DYNC1H1: variants seen among roughly 807,000 people sequenced by gnomAD.
DYNC1H1 encodes cytoplasmic dynein 1 heavy chain 1.
Under a neutral mutation model 527.1 loss-of-function variants are expected in DYNC1H1, and 51 were observed. The ratio of observed to expected loss-of-function variants is 0.10; its 90% CI spans 0.08 to 0.12. DYNC1H1 has a LOEUF of 0.12. Ranked by LOEUF, DYNC1H1 falls within the 10% of genes least tolerant of loss-of-function variation. The pLI, the probability that DYNC1H1 is intolerant of heterozygous loss-of-function variation, is 1.00. For synonymous variants in DYNC1H1, 2,189 were observed against 2,278.8 expected (o/e 0.96, Z 1.12); for missense variants, 2,771 against 5,971.8 (o/e 0.46, Z 17.66).
At chr14:102,030,314 A>G in intron 51 of DYNC1H1, 32 bp downstream of exon 51, 1 of 1,614,026 alleles carries the variant, frequency 6.2e-7, no homozygotes, top group Non-Finnish European at 8.5e-7. Context: ...TTTGATGTCT[A>G]GGAAGGGTGG....
Position 101,979,214 on chromosome 14 carries a change from C to G in DYNC1H1, c.345-105C>G, listed in dbSNP as rs1351160548. On this transcript the variant is annotated intron_variant, in intron 2 of 77. Transcript: ENST00000360184. This position sits in a 1 kb window ranked among gnomAD's most constrained non-coding sequence, Gnocchi z 4.6. ...AAAGAAAGACAAGCAGTGCATTTCA[C>G]TATTAGAAAAGCAACACTTCAGTAT... 1 of 1,115,922 alleles carries G rather than the reference C, an allele frequency of 9.0e-7. No individual in the cohort carries two copies. Among genetic ancestry groups the G allele is most frequent in the Non-Finnish European group, 1.3e-6 (1 of 760,526 alleles). The allele number at this position is 1,115,922 out of a possible 1,614,324, so 69.1% of individuals were successfully genotyped here.
rs563378643 is a variant in DYNC1H1, at chr14:102,049,157, G to A, written c.13373-283G>A. 1.2e-5 allele frequency: 6 copies of A among 507,094 alleles called. No homozygotes were observed. The highest frequency in any genetic ancestry group is 1.4e-5 in the Non-Finnish European group (4 of 278,274). 31.4% of individuals were successfully genotyped at this position (507,094 alleles called of 1,614,324 possible). On this transcript the variant is annotated intron_variant, in intron 74 of 77. Coordinates refer to ENST00000360184, the MANE Select transcript of DYNC1H1 (RefSeq NM_001376.5). This position sits in a 1 kb window ranked among gnomAD's most constrained non-coding sequence, Gnocchi z 5.5. Reference sequence around the variant, plus strand: ...TTGTGTGACATGAGGTTTTAGCCGCGGTTTTGCTTGGATGTGATTATGGTC... The same window carrying A: ...TTGTGTGACATGAGGTTTTAGCCGCAGTTTTGCTTGGATGTGATTATGGTC...
Position 102,055,194 on chromosome 14 carries a change from G to C in DYNC1H1, c.*4631G>C, listed in dbSNP as rs1422088955. ...TCAGCTTTCTGACCTCAGAATCCCA[G>C]CTATCTTCTGGACTCAGGTGACAAG... On this transcript the variant is annotated 3_prime_UTR_variant, in exon 78 of 78. Coordinates refer to ENST00000360184, the MANE Select transcript of DYNC1H1 (RefSeq NM_001376.5). 2 of 152,114 alleles carry C rather than the reference G, an allele frequency of 1.3e-5. No individual in the cohort carries two copies. Among genetic ancestry groups the C allele is most frequent in the African/African-American group, 2.4e-5 (1 of 41,360 alleles). 9.4% of individuals were successfully genotyped at this position (152,114 alleles called of 1,614,324 possible).
intron 27 of DYNC1H1, 97 bp downstream of exon 27, chr14:102,006,267 G>C: frequency 1.9e-6 from 3 of 1,552,968 alleles, no homozygotes; most frequent in Non-Finnish European, 2.6e-6. Flanking sequence ...GAGATGGAGT[G>C]TCTGTCGCCC....
chr14:102,010,112 T>G lies in DYNC1H1; in HGVS notation c.6221+26T>G, dbSNP rs780733107. 2 of 1,613,250 alleles carry G rather than the reference T, an allele frequency of 1.2e-6. No individual in the cohort carries two copies. Among genetic ancestry groups the G allele is most frequent in the African/African-American group, 1.3e-5 (1 of 74,940 alleles). ...GTAAGTAGCCTAGAATTCTTCATAATCATGTTTCTTGCATATGTTAAATGT... is the reference window on the plus strand; with the variant it reads ...GTAAGTAGCCTAGAATTCTTCATAAGCATGTTTCTTGCATATGTTAAATGT... On this transcript the variant is annotated intron_variant, in intron 30 of 77. Coordinates refer to ENST00000360184, the MANE Select transcript of DYNC1H1 (RefSeq NM_001376.5). The surrounding 1 kb of genome is among the most constrained non-coding windows in gnomAD (Gnocchi z 6.0).
At chr14:101,998,022 A>G (rs1171407248) in intron 16 of DYNC1H1, among the ~76,000 whole-genome samples, 1 of 152,220 alleles carries the variant, frequency 6.6e-6, no homozygotes, top group African/African-American at 2.4e-5. Flanking sequence ...GGTGATGTAG[A>G]TAACAGTGTG....
rs769919705 is a variant in DYNC1H1, at chr14:102,011,889, T to C, written c.6633T>C (p.Tyr2211=). 2.7e-5 allele frequency: 43 copies of C among 1,614,148 alleles called. 2 individuals carry two copies. The South Asian group carries it at 4.7e-4, about 18-fold the overall frequency. Residue 2211 remains tyrosine, a synonymous_variant, in exon 33 of 78, where the codon TAT becomes TAC. Coordinates refer to ENST00000360184, the MANE Select transcript of DYNC1H1 (RefSeq NM_001376.5). The surrounding 1 kb of genome is among the most constrained non-coding windows in gnomAD (Gnocchi z 5.3). ...GGGCCCTGCAGGTTCTCCAGCTCTA[T>C]CAGATCACCCAGATCAATCATGGCC... is the stretch of plus-strand genomic sequence containing the variant. ...GMWVEKVLQL[Y]QITQINHGLM...
intron 56 of DYNC1H1, chr14:102,034,706 G>C: frequency 1.7e-6 from 1 of 594,684 alleles, no homozygotes; most frequent in South Asian, 1.9e-5. Context: ...AGTGGATCAC[G>C]TGAGGTCAGG....
At chr14:102,046,237 G>A (rs920655557) in intron 72 of DYNC1H1, among the ~76,000 whole-genome samples, 4 of 152,232 alleles carry the variant, frequency 2.6e-5, no homozygotes, top group Admixed American at 6.5e-5. Flanking sequence ...CAGGGGATGG[G>A]CCCAGCAACT....
Position 102,050,665 on chromosome 14 carries a change from T to TG in DYNC1H1, c.*104dup. ...TCTGAGCTTGTGAAAAGAAAGTGGTTGGTCTGAGGTTGGAGGAAGCTGAAT... is the reference window on the plus strand; with the variant it reads ...TCTGAGCTTGTGAAAAGAAAGTGGTTGGGTCTGAGGTTGGAGGAAGCTGAAT... On this transcript the variant is annotated 3_prime_UTR_variant, in exon 78 of 78. Transcript: ENST00000360184. The TG allele has an allele frequency of 6.3e-7, 1 of 1,582,988 alleles. No individual in the cohort carries two copies. The highest frequency in any genetic ancestry group is 2.3e-5 in the East Asian group (1 of 44,414).
At position 102,018,375 on chromosome 14, in the gene DYNC1H1, C is replaced by T; in HGVS notation, c.8178-76C>T. ...CCTCCAGACAGGGCCCTGGACAGGGCGACTCCACTGGCACACTGCCCCTTC... is the reference window on the plus strand; with the variant it reads ...CCTCCAGACAGGGCCCTGGACAGGGTGACTCCACTGGCACACTGCCCCTTC... On this transcript the variant is annotated intron_variant, in intron 40 of 77. Transcript: ENST00000360184. The surrounding 1 kb of genome is among the most constrained non-coding windows in gnomAD (Gnocchi z 5.2). The T allele has an allele frequency of 3.8e-6, 6 of 1,570,790 alleles. No homozygotes were observed. The Admixed American group carries it at 5.5e-5, about 14-fold the overall frequency.
In DYNC1H1 at chr14:102,022,775, T is replaced by C. The variant is rs1292963824; in HGVS notation, c.8532T>C (p.Arg2844=). 2 of 1,614,094 alleles carry C rather than the reference T, an allele frequency of 1.2e-6. No homozygotes were observed. The highest frequency in any genetic ancestry group is 1.7e-6 in the Non-Finnish European group (2 of 1,180,004). Reference sequence around the variant, plus strand: ...GACTCGTAGAGGATGAGGAGAGGCGTTGGACTGATGAGAACATCGACACGG... The same window carrying C: ...GACTCGTAGAGGATGAGGAGAGGCGCTGGACTGATGAGAACATCGACACGG... ...QDRLVEDEER[R]WTDENIDTVA... Residue 2844 remains arginine, a synonymous_variant, in exon 43 of 78, where the codon CGT becomes CGC. Coordinates refer to ENST00000360184, the MANE Select transcript of DYNC1H1 (RefSeq NM_001376.5).
Position 102,030,291 on chromosome 14 carries a change from A to C in DYNC1H1, c.9883+9A>C. ...CATTGAGGCCCAGAATGGTATGTAA[A>C]GACTGTCAGAGCTTTGATGTCTAGG... On this transcript the variant is annotated intron_variant, in intron 51 of 77. Coordinates refer to ENST00000360184, the MANE Select transcript of DYNC1H1 (RefSeq NM_001376.5). The C allele has an allele frequency of 6.2e-7, 1 of 1,614,028 alleles. No individual in the cohort carries two copies.
In DYNC1H1 at chr14:101,994,739, G is replaced by C; in HGVS notation, c.3223G>C (p.Asp1075His). 1 of 1,614,202 alleles carries C rather than the reference G, an allele frequency of 6.2e-7. No homozygotes were observed. Among genetic ancestry groups the C allele is most frequent in the Non-Finnish European group, 8.5e-7 (1 of 1,180,038 alleles). ...AENIYNRLGE[D>H]LNKWQALLVQ... is the part of the protein sequence containing the mutation. ...AAACATCTATAACAGACTTGGAGAAGATCTCAACAAATGGCAGGCTCTCCT... is the reference window on the plus strand; with the variant it reads ...AAACATCTATAACAGACTTGGAGAACATCTCAACAAATGGCAGGCTCTCCT... The change falls in exon 13 of 78, where the codon GAT (aspartate) becomes CAT (histidine). Residue 1075 changes from aspartate (D) to histidine (H), a missense_variant. By Grantham distance (81) the Asp-to-His change is moderately conservative. Transcript: ENST00000360184.
In DYNC1H1 at chr14:102,015,168, G is replaced by A. The variant is rs1473788247; in HGVS notation, c.7078G>A (p.Gly2360Ser). 4 of 1,614,110 alleles carry A rather than the reference G, an allele frequency of 2.5e-6. No individual in the cohort carries two copies. The highest frequency in any genetic ancestry group is 1.3e-5 in the African/African-American group (1 of 74,940). The change falls in exon 35 of 78, where the codon GGC (glycine) becomes AGC (serine). Residue 2360 changes from glycine to serine, a missense_variant. Transcript: ENST00000360184. This position sits in a 1 kb window ranked among gnomAD's most constrained non-coding sequence, Gnocchi z 6.9. Reference protein sequence around the residue: ...YATLATVSRCGMVWFSEDVLS... With the variant: ...YATLATVSRCSMVWFSEDVLS... ...GACCTTGGCCACAGTGTCGCGCTGCGGCATGGTCTGGTTCAGTGAGGATGT... is the reference window on the plus strand; with the variant it reads ...GACCTTGGCCACAGTGTCGCGCTGCAGCATGGTCTGGTTCAGTGAGGATGT...
At chr14:102,028,174 A>T in intron 48 of DYNC1H1, 33 bp downstream of exon 48, 1 of 1,608,456 alleles carries the variant, frequency 6.2e-7, no homozygotes, top group African/African-American at 1.3e-5. Context: ...CAGATAAACC[A>T]CAAAACTAAC....
At position 102,022,896 on chromosome 14, in the gene DYNC1H1, C is replaced by A; in HGVS notation, c.8637+16C>A. On this transcript the variant is annotated intron_variant, in intron 43 of 77. Coordinates refer to ENST00000360184, the MANE Select transcript of DYNC1H1 (RefSeq NM_001376.5). Reference sequence around the variant, plus strand: ...GCTGTCAAAGGTAGCAAACTCGCATCATTTCAGACATACTTCTTTTTCTGC... The same window carrying A: ...GCTGTCAAAGGTAGCAAACTCGCATAATTTCAGACATACTTCTTTTTCTGC... 1.2e-6 allele frequency: 2 copies of A among 1,614,166 alleles called. No individual in the cohort carries two copies. Among genetic ancestry groups the A allele is most frequent in the South Asian group, 1.1e-5 (1 of 91,086 alleles).
rs182617197 is a variant in DYNC1H1, at chr14:102,005,748, A to T, written c.5434-140A>T. 1.3e-5 allele frequency: 13 copies of T among 1,007,660 alleles called. No individual in the cohort carries two copies. In the African/African-American group the frequency reaches 1.8e-4, roughly 14 times the overall value. The allele number at this position is 1,007,660 out of a possible 1,614,324, so 62.4% of individuals were successfully genotyped here. ...ACATTTCTCTCATCTCTGAAAGTGA[A>T]TTTGCCTTTTGGAACATTTACTGAA... On this transcript the variant is annotated intron_variant, in intron 26 of 77. Transcript: ENST00000360184. This position sits in a 1 kb window ranked among gnomAD's most constrained non-coding sequence, Gnocchi z 4.0.
chr14:101,979,381 G>A lies in DYNC1H1; in HGVS notation c.407G>A (p.Arg136Gln), dbSNP rs996476189. 18 of 1,613,908 alleles carry A rather than the reference G, an allele frequency of 1.1e-5. No homozygotes were observed. The highest frequency in any genetic ancestry group is 4.5e-5 in the East Asian group (2 of 44,894). The change falls in exon 3 of 78, where the codon CGG becomes CAG. Residue 136 changes from arginine to glutamine, a missense_variant. This residue lies in a region of DYNC1H1 where 146 missense variants were observed against 288.1 expected (regional missense o/e 0.51). Coordinates refer to ENST00000360184, the MANE Select transcript of DYNC1H1 (RefSeq NM_001376.5). This position sits in a 1 kb window ranked among gnomAD's most constrained non-coding sequence, Gnocchi z 4.6. ...GATAAACCCGTGTCTTCTCAGCTCC[G>A]GGTCCTTACACTCAGTGAAGACTCG... ...DADKPVSSQL[R>Q]VLTLSEDSPY... is the part of the protein sequence containing the mutation.
Sources: gnomAD v4.1 joint callset for allele counts (sites outside exome capture counted in the v4.1 genomes callset) on GRCh38, gnomAD v4.1.1 for gene constraint, gnomAD v4.1.1 regional missense constraint, Gnocchi (gnomAD v3.1) non-coding constraint, MANE v1.5 for transcripts, NCBI Gene and HGNC (gene_info 2026-07-23, HGNC 2026-07-21) for gene names.